Variants in CPO observed in about 807,000 individuals in gnomAD.
CPO encodes the protein metallocarboxypeptidase C.
In CPO, 43 loss-of-function variants were observed where a neutral mutation model predicts 41.2. The ratio of observed to expected loss-of-function variants is 1.04; its 90% CI spans 0.82 to 1.35. The LOEUF is 1.35. Among genes scored for constraint, CPO ranks in the 40% most tolerant of loss-of-function variants. CPO has a pLI of 0.00. For missense variants in CPO, 408 were observed against 451.7 expected (o/e 0.90, Z 0.88); for synonymous variants, 178 against 162.7 (o/e 1.09, Z -0.72).
chr2:206,942,599 A>G (rs973361610), intron 1 of CPO, among the ~76,000 whole-genome samples: 3 of 152,126 alleles, frequency 2.0e-5, no homozygotes, highest in African/African-American at 7.2e-5. Context: ...TGCAGACTTT[A>G]TTAATAATGT....
intron 1 of CPO, among the ~76,000 whole-genome samples, chr2:206,947,238 G>C (rs1693162076): frequency 6.6e-6 from 1 of 152,046 alleles, no homozygotes; most frequent in Non-Finnish European, 1.5e-5. Context: ...AAATCAAAGG[G>C]AGAAAATAGG....
At chr2:206,939,992 G>A (rs1692999481) in intron 1 of CPO, among the ~76,000 whole-genome samples, 2 of 151,910 alleles carry the variant, frequency 1.3e-5, no homozygotes, top group Admixed American at 6.6e-5. Flanking sequence ...ATCTCATTTG[G>A]TAAATCACAT....
At chr2:206,950,248 AAAAC>A (rs1314772345) in intron 2 of CPO, among the ~76,000 whole-genome samples, 3 of 152,366 alleles carry the variant, frequency 2.0e-5, no homozygotes, top group South Asian at 2.1e-4. Flanking sequence ...TTTACAAGAA[AAAAC>A]AAACAACCCC....
intron 8 of CPO, 134 bp from the exon 9 acceptor site, chr2:206,969,040 C>T: frequency 1.1e-6 from 1 of 890,158 alleles, no homozygotes; most frequent in African/African-American, 1.7e-5. Context: ...AAAGAGAAGA[C>T]AGCTATTTCT....
intron 6 of CPO, among the ~76,000 whole-genome samples, chr2:206,961,703 A>C (rs933235459): frequency 6.6e-6 from 1 of 152,154 alleles, no homozygotes; most frequent in African/African-American, 2.4e-5. Flanking sequence ...GACATGAAGG[A>C]AAAACTTAAA....
At chr2:206,943,062 T>C (rs775017014) in intron 1 of CPO, among the ~76,000 whole-genome samples, 1 of 150,994 alleles carries the variant, frequency 6.6e-6, no homozygotes, top group Non-Finnish European at 1.5e-5. Flanking sequence ...TAGGTTATCT[T>C]TATTTAATTT....
At chr2:206,965,603 C>G (rs892152547) in intron 7 of CPO, among the ~76,000 whole-genome samples, 2 of 152,080 alleles carry the variant, frequency 1.3e-5, no homozygotes, top group African/African-American at 4.8e-5. Flanking sequence ...TTTGAACTCT[C>G]TTTGTATCAA....
intron 3 of CPO, 35 bp from the exon 4 acceptor site, chr2:206,958,266 A>G: frequency 8.8e-7 from 1 of 1,133,670 alleles, no homozygotes; most frequent in South Asian, 1.5e-5. Context: ...ATAATCAGCA[A>G]TTGTTTAGTA....
At chr2:206,957,834 C>T (rs1459099120) in intron 3 of CPO, among the ~76,000 whole-genome samples, 1 of 152,136 alleles carries the variant, frequency 6.6e-6, no homozygotes, top group Non-Finnish European at 1.5e-5. Context: ...TAATTGAATC[C>T]ATTTGAAATT....
At chr2:206,968,850 T>C (rs374925137) in intron 8 of CPO, among the ~76,000 whole-genome samples, 1 of 152,376 alleles carries the variant, frequency 6.6e-6, no homozygotes, top group Admixed American at 6.5e-5. Context: ...TCTGTTCCTT[T>C]CTTTAAATGA....
chr2:206,941,598 T>C (rs570525349), intron 1 of CPO, among the ~76,000 whole-genome samples: 4 of 152,286 alleles, frequency 2.6e-5, no homozygotes, highest in East Asian at 1.9e-4. Flanking sequence ...ACAGCTTCCA[T>C]TGGATGGTTC....
At chr2:206,946,814 A>G (rs906188653) in intron 1 of CPO, among the ~76,000 whole-genome samples, 1 of 152,170 alleles carries the variant, frequency 6.6e-6, no homozygotes, top group African/African-American at 2.4e-5. Flanking sequence ...ATGTAACATC[A>G]ATGGACAAGT....
chr2:206,953,988 C>G (rs1318298956), intron 2 of CPO, among the ~76,000 whole-genome samples: 1 of 152,168 alleles, frequency 6.6e-6, no homozygotes, highest in Non-Finnish European at 1.5e-5. Context: ...GCTGGAGAAG[C>G]TAGGACACAG....
chr2:206,959,816 T>C (rs1368732208), intron 5 of CPO, 75 bp downstream of exon 5: 3 of 700,960 alleles, frequency 4.3e-6, no homozygotes, highest in Non-Finnish European at 7.7e-6. Context: ...TCCAATGTTA[T>C]CCATTCCGGC....
intron 7 of CPO, among the ~76,000 whole-genome samples, chr2:206,967,910 C>T (rs889127108): frequency 6.6e-6 from 1 of 152,136 alleles, no homozygotes; most frequent in Non-Finnish European, 1.5e-5. Flanking sequence ...ATGCAACAGA[C>T]CATTTCAGAG....
chr2:206,941,174 T>C (rs1447033732), intron 1 of CPO, among the ~76,000 whole-genome samples: 1 of 151,986 alleles, frequency 6.6e-6, no homozygotes, highest in Non-Finnish European at 1.5e-5. Flanking sequence ...TTTATGCAGC[T>C]CTGGGATACA....
At chr2:206,956,056 G>C (rs1005527136) in intron 3 of CPO, among the ~76,000 whole-genome samples, 53 of 152,154 alleles carry the variant, frequency 3.5e-4, no homozygotes, top group African/African-American at 1.2e-3. Flanking sequence ...ACAGCCAGAT[G>C]TCAGCACAGC....
At chr2:206,947,368 A>G (rs1574346964) in intron 1 of CPO, among the ~76,000 whole-genome samples, 1 of 152,328 alleles carries the variant, frequency 6.6e-6, no homozygotes, top group Non-Finnish European at 1.5e-5. Context: ...AAGTAAATCT[A>G]GACATAGACA....
In CPO at chr2:206,969,184, A is replaced by G. The variant is rs1244892714; in HGVS notation, c.873A>G (p.Ser291=). 2 of 1,614,088 alleles carry G rather than the reference A, an allele frequency of 1.2e-6. No individual in the cohort carries two copies. The highest frequency in any genetic ancestry group is 4.5e-5 in the East Asian group (2 of 44,888). Residue 291 remains serine (S), a synonymous_variant, in exon 9 of 9, where the codon TCA becomes TCG. Transcript: ENST00000272852. ...TGTTTTCACCTGTAGATGCCTCATCAGGGTCTTCAAGAGATTGGGCCCGAG... is the reference window on the plus strand; with the variant it reads ...TGTTTTCACCTGTAGATGCCTCATCGGGGTCTTCAAGAGATTGGGCCCGAG... ...GSSADILYAS[S]GSSRDWARDI...
Sources: gnomAD v4.1 joint callset for allele counts (sites outside exome capture counted in the v4.1 genomes callset) on GRCh38, gnomAD v4.1.1 for gene constraint, MANE v1.5 for transcripts, NCBI Gene and HGNC (gene_info 2026-07-23, HGNC 2026-07-21) for gene names.